The following ACAP1 variants were observed in gnomAD, a reference collection of about 807,000 sequenced individuals.
ACAP1 encodes the protein arf-GAP with coiled-coil, ANK repeat and PH domain-containing protein 1.
Under a neutral mutation model 98.8 loss-of-function variants are expected in ACAP1, and 45 were observed. That is an observed-to-expected ratio of 0.46 (90% CI 0.36 to 0.58). The LOEUF (loss-of-function observed/expected upper bound fraction) is 0.58. Ranked by LOEUF, ACAP1 falls within the 20% of genes least tolerant of loss-of-function variation. The pLI is 0.00. For missense variants in ACAP1, 735 were observed against 971.4 expected, an observed-to-expected ratio of 0.76 and a Z score of 3.24; for synonymous variants, 362 against 375.3, an observed-to-expected ratio of 0.96 and a Z score of 0.41.
chr17:7,339,716 T>C (rs1459930340), intron 2 of ACAP1, among the ~76,000 whole-genome samples: 1 of 152,214 alleles, frequency 6.6e-6, no homozygotes, highest in East Asian at 1.9e-4. Context: ...ATACTCTTTT[T>C]TGGTGTTTTT....
chr17:7,337,407 A>G (rs1244446981), intron 2 of ACAP1, 38 bp downstream of exon 2: 2 of 1,585,158 alleles, frequency 1.3e-6, no homozygotes, highest in South Asian at 2.2e-5. Flanking sequence ...GGAGTGGATT[A>G]GGTTGAGAGG....
At position 7,347,105 on chromosome 17, in the gene ACAP1, G is replaced by A; in HGVS notation, c.1206G>A (p.Gly402=). The stretch of plus-strand genomic sequence containing the variant: ...GAATGGCCAGGGGAAGGGAGCCTGG[G>A]GGAGTCGGGCACGTGGTGGCCCAGG... The part of the protein sequence containing the change: ...SGGMARGREP[G]GVGHVVAQVQ... The change falls in exon 14 of 22, where the codon GGG becomes GGA. Residue 402 remains glycine (G), a synonymous_variant. Transcript: ENST00000158762. The A allele has an allele frequency of 1.9e-6, 3 of 1,613,610 alleles. No homozygotes were observed. Among genetic ancestry groups the A allele is most frequent in the Non-Finnish European group, 2.5e-6 (3 of 1,179,722 alleles).
chr17:7,350,972 G>A lies in ACAP1; in HGVS notation c.2095G>A (p.Glu699Lys), dbSNP rs372020127. 4.1e-5 allele frequency: 66 copies of A among 1,614,056 alleles called. No individual in the cohort carries two copies. Among genetic ancestry groups the A allele is most frequent in the Non-Finnish European group, 5.5e-5 (65 of 1,180,024 alleles). Residue 699 changes from glutamate to lysine, a missense_variant, in exon 21 of 22, where the codon GAG (glutamate) becomes AAG (lysine). This residue lies in a region of ACAP1 where 142 missense variants were observed against 224.1 expected (regional missense o/e 0.63). Coordinates refer to ENST00000158762, the MANE Select transcript of ACAP1 (RefSeq NM_014716.4). The surrounding 1 kb of genome is among the most constrained non-coding windows in gnomAD (Gnocchi z 4.6). ...CAGGCTACGACTGGCAAAGATGAGG[G>A]AGGCTGAAGCGGCCCAGGGGCAGGC... is the stretch of plus-strand genomic sequence containing the variant. ...VTLLRLAKMR[E>K]AEAAQGQAGD...
chr17:7,341,805 G>A (rs2073282272), intron 2 of ACAP1, 143 bp from the exon 3 acceptor site: 1 of 1,178,270 alleles, frequency 8.5e-7, no homozygotes, highest in Admixed American at 2.3e-5. Context: ...AGGGAGAGCT[G>A]GATGAGCCTG....
At position 7,347,325 on chromosome 17, in the gene ACAP1, T is replaced by C. The variant is rs1057466168; in HGVS notation, c.1343+83T>C. ...ATACAGAGCGCATCACACCGGCCCC[T>C]CTTCCTTCCCTGTCCTGGCTTCCTC... On this transcript the variant is annotated intron_variant, in intron 14 of 21. Coordinates refer to ENST00000158762, the MANE Select transcript of ACAP1 (RefSeq NM_014716.4). The C allele has an allele frequency of 1.5e-5, 19 of 1,297,084 alleles. No homozygotes were observed. In the East Asian group the frequency reaches 4.3e-4, roughly 29 times the overall value. The allele number at this position is 1,297,084 out of a possible 1,614,324, so 80.3% of individuals were successfully genotyped here.
rs951626033 is a variant in ACAP1, at chr17:7,346,688, A to G, written c.1008-120A>G. ...TTAGGAGAATATTACCAACTGGTACAGAAGTCTTTCAATGCAACTGGAACT... is the reference window on the plus strand; with the variant it reads ...TTAGGAGAATATTACCAACTGGTACGGAAGTCTTTCAATGCAACTGGAACT... On this transcript the variant is annotated intron_variant, in intron 12 of 21. Transcript: ENST00000158762. 1.8e-4 allele frequency: 226 copies of G among 1,285,986 alleles called. 1 individual carries two copies. The highest frequency in any genetic ancestry group is 2.2e-4 in the Non-Finnish European group (204 of 921,592). 79.7% of individuals were successfully genotyped at this position (1,285,986 alleles called of 1,614,324 possible).
chr17:7,343,724 A>G lies in ACAP1; in HGVS notation c.547A>G (p.Lys183Glu). ...TCCTCAGATCAACGTGATTGAGGACAAGAGGAAGTTTGACATCATGGAGTT... is the reference window on the plus strand; with the variant it reads ...TCCTCAGATCAACGTGATTGAGGACGAGAGGAAGTTTGACATCATGGAGTT... ...YALQINVIED[K>E]RKFDIMEFVL... Residue 183 changes from lysine to glutamate, a missense_variant, in exon 7 of 22, where the codon AAG becomes GAG. Physicochemically the swap from Lys to Glu is moderately conservative, Grantham distance 56 (BLOSUM62 1). Transcript: ENST00000158762. This position sits in a 1 kb window ranked among gnomAD's most constrained non-coding sequence, Gnocchi z 4.9. 4 of 1,614,126 alleles carry G rather than the reference A, an allele frequency of 2.5e-6. No individual in the cohort carries two copies. Among genetic ancestry groups the G allele is most frequent in the Non-Finnish European group, 1.7e-6 (2 of 1,180,006 alleles).
rs748356857 is a variant in ACAP1 at position 7,343,710 on chromosome 17, A to G, written c.533A>G (p.Asn178Ser). Residue 178 changes from asparagine (N) to serine (S), a missense_variant, in exon 7 of 22, where the codon AAC (asparagine) becomes AGC (serine). Physicochemically the swap from Asn to Ser is conservative, Grantham distance 46. This residue lies in a region of ACAP1 where 430 missense variants were observed against 531.8 expected (regional missense o/e 0.81). Coordinates refer to ENST00000158762, the MANE Select transcript of ACAP1 (RefSeq NM_014716.4). The surrounding 1 kb of genome is among the most constrained non-coding windows in gnomAD (Gnocchi z 4.9). ...CGTCCTCTTTTACGTCCTCAGATCA[A>G]CGTGATTGAGGACAAGAGGAAGTTT... is the stretch of plus-strand genomic sequence containing the variant. ...GRALDYALQI[N>S]VIEDKRKFDI... The G allele has an allele frequency of 6.2e-7, 1 of 1,614,040 alleles. No individual in the cohort carries two copies. The highest frequency in any genetic ancestry group is 8.5e-7 in the Non-Finnish European group (1 of 1,179,964).
At chr17:7,347,303 C>G in intron 14 of ACAP1, 61 bp downstream of exon 14, 2 of 1,439,444 alleles carry the variant, frequency 1.4e-6, no homozygotes, top group South Asian at 1.3e-5. Flanking sequence ...GGCTCCAATA[C>G]AGAGCGCATC....
intron 5 of ACAP1, 113 bp downstream of exon 5, chr17:7,342,587 G>GA: frequency 1.7e-6 from 2 of 1,197,090 alleles, no homozygotes; most frequent in Non-Finnish European, 2.4e-6. Flanking sequence ...CCAACATGGC[G>GA]AAACTGTCTC....
intron 10 of ACAP1, 63 bp from the exon 11 acceptor site, chr17:7,346,181 A>G (rs767316482): frequency 4.2e-5 from 64 of 1,516,194 alleles, no homozygotes; most frequent in Non-Finnish European, 5.6e-5. Flanking sequence ...CAAAAAGCAC[A>G]GCCTCTCTTC....
Position 7,350,602 on chromosome 17 carries a change from G to A in ACAP1, c.2073-348G>A, listed in dbSNP as rs2143018733. 1 of 408,714 alleles carries A rather than the reference G, an allele frequency of 2.4e-6. No homozygotes were observed. Among genetic ancestry groups the A allele is most frequent in the Non-Finnish European group, 4.4e-6 (1 of 229,456 alleles). 25.3% of individuals were successfully genotyped at this position (408,714 alleles called of 1,614,324 possible). A position where few individuals can be genotyped will look rare whatever the true frequency, so the allele number is the denominator to read the frequency against. ...AAGGATGGGAAGTTGTGGGGGAGGT[G>A]AGGATAGTCTTTTTTTTTTTTTTTG... On this transcript the variant is annotated intron_variant, in intron 20 of 21. Coordinates refer to ENST00000158762, the MANE Select transcript of ACAP1 (RefSeq NM_014716.4). The surrounding 1 kb of genome is among the most constrained non-coding windows in gnomAD (Gnocchi z 4.6).
At chr17:7,338,247 ATTTTAT>A (rs925537716) in intron 2 of ACAP1, among the ~76,000 whole-genome samples, 44 of 151,978 alleles carry the variant, frequency 2.9e-4, no homozygotes, top group Admixed American at 2.6e-3. Context: ...ACAAATAATA[ATTTTAT>A]TTTTATTTTT....
rs112366129 is a variant in ACAP1, at chr17:7,346,610, G to T, written c.1007+119G>T. The T allele has an allele frequency of 2.2e-5, 27 of 1,200,518 alleles. No individual in the cohort carries two copies. In the African/African-American group the frequency reaches 3.2e-4, roughly 14 times the overall value. 74.4% of individuals were successfully genotyped at this position (1,200,518 alleles called of 1,614,324 possible). A position where few individuals can be genotyped will look rare whatever the true frequency, so the allele number is the denominator to read the frequency against. The stretch of plus-strand genomic sequence containing the variant: ...CTCCAGACTTTAATTTAATTCTTTG[G>T]CGGCTGGACTGGGGGGCCATTGTGG... On this transcript the variant is annotated intron_variant, in intron 12 of 21. Coordinates refer to ENST00000158762, the MANE Select transcript of ACAP1 (RefSeq NM_014716.4).
chr17:7,339,545 G>A (rs1354511636), intron 2 of ACAP1, among the ~76,000 whole-genome samples: 3 of 152,034 alleles, frequency 2.0e-5, no homozygotes, highest in African/African-American at 7.2e-5. Flanking sequence ...AGGAGGCGGA[G>A]GTTGCAGTGA....
At position 7,343,741 on chromosome 17, in the gene ACAP1, C is replaced by T. The variant is rs1342541997; in HGVS notation, c.564C>T (p.Ile188=). 1.9e-6 allele frequency: 3 copies of T among 1,613,972 alleles called. No individual in the cohort carries two copies. The African/African-American group carries it at 4.0e-5, about 22-fold the overall frequency. Reference sequence around the variant, plus strand: ...TTGAGGACAAGAGGAAGTTTGACATCATGGAGTTTGTGAGTTGTGGCGGGG... The same window carrying T: ...TTGAGGACAAGAGGAAGTTTGACATTATGGAGTTTGTGAGTTGTGGCGGGG... ...NVIEDKRKFD[I]MEFVLRLVEA... is the part of the protein sequence containing the mutation. Residue 188 remains isoleucine, a synonymous_variant, in exon 7 of 22, where the codon ATC becomes ATT. Transcript: ENST00000158762. This position sits in a 1 kb window ranked among gnomAD's most constrained non-coding sequence, Gnocchi z 4.9.
chr17:7,342,430 C>T lies in ACAP1; in HGVS notation c.300C>T (p.Ala100=), dbSNP rs768582860. The part of the protein sequence containing the change: ...KLDSHAELLD[A]TQHTLQQQIQ... ...CCTTCCCTCAGGAGCTTCTAGATGC[C>T]ACCCAACACACACTGCAGCAGCAGA... is the stretch of plus-strand genomic sequence containing the variant. Residue 100 remains alanine (A), a synonymous_variant, in exon 5 of 22, where the codon GCC becomes GCT. Coordinates refer to ENST00000158762, the MANE Select transcript of ACAP1 (RefSeq NM_014716.4). 1 of 1,614,068 alleles carries T rather than the reference C, an allele frequency of 6.2e-7. No individual in the cohort carries two copies. Among genetic ancestry groups the T allele is most frequent in the African/African-American group, 1.3e-5 (1 of 74,926 alleles).
At chr17:7,346,631 T>C (rs1465785082) in intron 12 of ACAP1, 140 bp downstream of exon 12, 1 of 1,152,760 alleles carries the variant, frequency 8.7e-7, no homozygotes, top group Non-Finnish European at 1.2e-6. Context: ...GGGGGGCCAT[T>C]GTGGAAGAGG....
At position 7,343,863 on chromosome 17, in the gene ACAP1, G is replaced by A. The variant is rs753634910; in HGVS notation, c.576G>A (p.Val192=). Residue 192 remains valine, a splice_region_variant and synonymous_variant, in exon 8 of 22, where the codon GTG becomes GTA. Transcript: ENST00000158762. This position sits in a 1 kb window ranked among gnomAD's most constrained non-coding sequence, Gnocchi z 4.9. ...CCACTGCCCGCCTTGTCCCCCAGGT[G>A]CTGCGTTTGGTGGAGGCCCAGGCTA... ...DKRKFDIMEF[V]LRLVEAQATH... is the part of the protein sequence containing the mutation. 1.9e-6 allele frequency: 3 copies of A among 1,613,958 alleles called. No individual in the cohort carries two copies.
Sources: gnomAD v4.1 joint callset for allele counts (sites outside exome capture counted in the v4.1 genomes callset) on GRCh38, gnomAD v4.1.1 for gene constraint, gnomAD v4.1.1 regional missense constraint, Gnocchi (gnomAD v3.1) non-coding constraint, MANE v1.5 for transcripts, NCBI Gene and HGNC (gene_info 2026-07-23, HGNC 2026-07-21) for gene names.